SPATA1: variants seen among roughly 807,000 people sequenced by gnomAD.
SPATA1 encodes the protein spermatogenesis associated 1.
Under a neutral mutation model 59.6 loss-of-function variants are expected in SPATA1, and 57 were observed. The ratio of observed to expected loss-of-function variants is 0.96; its 90% CI spans 0.77 to 1.19. The LOEUF (loss-of-function observed/expected upper bound fraction) is 1.19. SPATA1 is among the 50% of genes most tolerant of loss of function. The pLI, the probability that SPATA1 is intolerant of heterozygous loss-of-function variation, is 0.00. For synonymous variants in SPATA1, 147 were observed against 163.9 expected (o/e 0.90, Z 0.79); for missense variants, 448 against 480.7 (o/e 0.93, Z 0.64).
intron 4 of SPATA1, among the ~76,000 whole-genome samples, chr1:84,561,116 A>T (rs1684587204): frequency 6.6e-6 from 1 of 152,230 alleles, no homozygotes; most frequent in African/African-American, 2.4e-5. Flanking sequence ...TGGCCAAAGT[A>T]AACTGAAAGC....
downstream of SPATA1, among the ~76,000 whole-genome samples, chr1:84,555,448 T>C (rs958457656): frequency 1.7e-4 from 26 of 152,254 alleles, no homozygotes; most frequent in Non-Finnish European, 1.5e-5. Flanking sequence ...ATTTTTAGAC[T>C]TTACGATGGA....
chr1:84,524,965 T>C (rs1683158509), intron 4 of SPATA1, among the ~76,000 whole-genome samples: 1 of 151,516 alleles, frequency 6.6e-6, no homozygotes, highest in Admixed American at 6.6e-5. Context: ...CCCTCAGTAT[T>C]TGTGTTTTGT....
exon 11 of SPATA1, chr1:84,548,851 T>G (rs1338687266): frequency 6.3e-7 from 1 of 1,581,640 alleles, no homozygotes; most frequent in South Asian, 1.1e-5. Context: ...GGAGGAGGTT[T>G]TAACAAAACT....
In SPATA1 at chr1:84,538,487, G is replaced by A. The variant is rs545109547; in HGVS notation, c.717+4721G>A. Among the ~76,000 whole-genome samples the A allele has an allele frequency of 2.0e-5, 3 of 152,098 alleles. No homozygotes were observed. The South Asian group carries it at 6.2e-4, about 32-fold the overall frequency. ...CTTAGGTAAGACATATGTTTCTTAG[G>A]GGGTAGGAGATAAGCTGCAAGAAAA... On this transcript the variant is annotated intron_variant, in intron 8 of 12. Coordinates refer to ENST00000490879, the Ensembl canonical transcript of SPATA1.
chr1:84,566,005 A>C (rs776952874), exon 5 of SPATA1: 1 of 1,533,354 alleles, frequency 6.5e-7, no homozygotes, highest in Non-Finnish European at 8.8e-7. Context: ...AGCTACATCA[A>C]AGGTTACCTG....
chr1:84,528,681 T>G (rs920243995), intron 6 of SPATA1, among the ~76,000 whole-genome samples: 3 of 152,220 alleles, frequency 2.0e-5, no homozygotes, highest in African/African-American at 7.2e-5. Flanking sequence ...TATGTACATT[T>G]TTGTACACAA....
downstream of SPATA1, among the ~76,000 whole-genome samples, chr1:84,558,163 C>T (rs1455577109): frequency 1.3e-5 from 2 of 151,998 alleles, no homozygotes; most frequent in Non-Finnish European, 2.9e-5. Flanking sequence ...AGTGTTCTTA[C>T]CATTTAAAAA....
chr1:84,531,777 T>A (rs1346010792), intron 6 of SPATA1, among the ~76,000 whole-genome samples: 3 of 151,936 alleles, frequency 2.0e-5, no homozygotes, highest in African/African-American at 7.3e-5. Flanking sequence ...CCCAGGCTGG[T>A]CTTGAACTAC....
chr1:84,547,960 T>C (rs933659576), intron 10 of SPATA1, among the ~76,000 whole-genome samples: 1 of 152,098 alleles, frequency 6.6e-6, no homozygotes, highest in African/African-American at 2.4e-5. Context: ...ACAGACCAGT[T>C]AGAAAGAGAA....
chr1:84,553,694 C>T (rs963836864), exon 13 of SPATA1: 1 of 152,050 alleles, frequency 6.6e-6, no homozygotes, highest in Admixed American at 6.6e-5. Flanking sequence ...ATGGTTTTTA[C>T]TCTGTCACAA....
At chr1:84,566,648 G>C (rs747411741), downstream of SPATA1, among the ~76,000 whole-genome samples, 6 of 151,868 alleles carry the variant, frequency 4.0e-5, no homozygotes, top group South Asian at 8.3e-4. Context: ...TTCTTTTTTG[G>C]GGGGGATGGA....
At position 84,548,781 on chromosome 1, in the gene SPATA1, T is replaced by G. The variant is rs960067319; in HGVS notation, c.947-5T>G. On this transcript the variant is annotated splice_polypyrimidine_tract_variant and splice_region_variant and intron_variant, in intron 10 of 12. Transcript: ENST00000490879. The stretch of plus-strand genomic sequence containing the variant: ...TTTTTTTTTTTTTTTTTTTTTTTTT[T>G]ATAGCCTACAATGGTTGGAAGAAAA... The G allele has an allele frequency of 2.6e-6, 2 of 762,506 alleles. No homozygotes were observed. The highest frequency in any genetic ancestry group is 1.6e-6 in the Non-Finnish European group (1 of 606,972). The allele number at this position is 762,506 out of a possible 1,614,324, so 47.2% of individuals were successfully genotyped here. A position where few individuals can be genotyped will look rare whatever the true frequency, so the allele number is the denominator to read the frequency against.
downstream of SPATA1, among the ~76,000 whole-genome samples, chr1:84,558,244 A>T (rs1044380734): frequency 5.9e-5 from 9 of 152,230 alleles, no homozygotes; most frequent in East Asian, 1.7e-3. Flanking sequence ...ATATATCAAA[A>T]CATCATCTTC....
In SPATA1 at chr1:84,509,915, C is replaced by T. The variant is rs556226471; in HGVS notation, c.-138+3497C>T. 6.6e-5 allele frequency among the ~76,000 whole-genome samples: 10 copies of T among 150,966 alleles called. No homozygotes were observed. The South Asian group carries it at 1.1e-3, about 16-fold the overall frequency. On this transcript the variant is annotated intron_variant, in intron 1 of 12. Transcript: ENST00000490879. ...TTAAAAACCTGCACAGGGCCAGGCA[C>T]GGTGGCTTACGCTTGTAATCCCAGC...
At chr1:84,553,400 A>G in exon 13 of SPATA1, 1 of 155,630 alleles carries the variant, frequency 6.4e-6, no homozygotes, top group Middle Eastern at 3.3e-3. Flanking sequence ...ATAAAATTCA[A>G]TAATAATTTA....
chr1:84,552,895 C>T (rs897509513), intron 12 of SPATA1: 16 of 602,702 alleles, frequency 2.7e-5, no homozygotes, highest in African/African-American at 1.9e-4. Context: ...CTGTAGTAAT[C>T]CAGTGGGAGT....
chr1:84,536,513 C>T (rs1206204811), intron 8 of SPATA1, among the ~76,000 whole-genome samples: 4 of 152,132 alleles, frequency 2.6e-5, no homozygotes, highest in African/African-American at 4.8e-5. Flanking sequence ...GCGCTATGTC[C>T]GCTCACTGCA....
chr1:84,508,185 G>T (rs1204197030), intron 1 of SPATA1, among the ~76,000 whole-genome samples: 1 of 151,926 alleles, frequency 6.6e-6, no homozygotes, highest in African/African-American at 2.4e-5. Flanking sequence ...CAGGAGGCTT[G>T]ATGCAGGAGA....
At chr1:84,507,197 C>T (rs1682299772) in intron 1 of SPATA1, 3 of 152,120 alleles carry the variant, frequency 2.0e-5, no homozygotes, top group African/African-American at 7.2e-5. Context: ...TTCGGGTAGT[C>T]AATCTCCGAA....
Sources: gnomAD v4.1 joint callset for allele counts (sites outside exome capture counted in the v4.1 genomes callset) on GRCh38, gnomAD v4.1.1 for gene constraint, MANE v1.5 for transcripts, NCBI Gene and HGNC (gene_info 2026-07-23, HGNC 2026-07-21) for gene names.